The following SHANK2 variants were observed in gnomAD, a reference collection of about 807,000 sequenced individuals.
The protein encoded by SHANK2 is SH3 and multiple ankyrin repeat domains 2, also known as SH3 and multiple ankyrin repeat domains protein 2.
In SHANK2, 43 loss-of-function variants were observed where a neutral mutation model predicts 133.7. The ratio of observed to expected loss-of-function variants is 0.32; its 90% CI spans 0.25 to 0.41. The LOEUF is 0.41. Among genes scored for constraint, SHANK2 ranks in the 10% least tolerant of loss-of-function variants. The pLI, the probability that SHANK2 is intolerant of heterozygous loss-of-function variation, is 1.00. For missense variants in SHANK2, 1,994 were observed against 2,235.8 expected (o/e 0.89, Z 2.18); for synonymous variants, 1,017 against 952.8 (o/e 1.07, Z -1.24).
chr11:70,695,539 C>T (rs975882317), intron 15 of SHANK2, among the ~76,000 whole-genome samples: 8 of 152,188 alleles, frequency 5.3e-5, no homozygotes, highest in South Asian at 2.1e-4. Flanking sequence ...CCCTCCTCCT[C>T]GTCAGTTTCC....
At chr11:70,851,251 G>C (rs1341685196) in intron 11 of SHANK2, among the ~76,000 whole-genome samples, 1 of 152,226 alleles carries the variant, frequency 6.6e-6, no homozygotes, top group African/African-American at 2.4e-5. Context: ...GGCTGTTGTA[G>C]CTGGGGCTCC....
intron 14 of SHANK2, among the ~76,000 whole-genome samples, chr11:70,770,540 G>T (rs1016480525): frequency 6.6e-6 from 1 of 152,254 alleles, no homozygotes; most frequent in Non-Finnish European, 1.5e-5. Context: ...TGTGATGGCT[G>T]GGAAGTTACT....
intron 14 of SHANK2, 118 bp from the exon 15 acceptor site, chr11:70,698,881 GT>G: frequency 1.4e-6 from 1 of 706,590 alleles, no homozygotes; most frequent in East Asian, 2.7e-5. Flanking sequence ...GAGATGCACT[GT>G]CCTGGGGAAG....
intron 9 of SHANK2, among the ~76,000 whole-genome samples, chr11:71,060,798 A>G (rs1337181911): frequency 2.6e-5 from 4 of 152,130 alleles, no homozygotes; most frequent in African/African-American, 9.7e-5. Context: ...GTGTTTCAAA[A>G]CAACGTGTGA....
chr11:70,601,047 A>ATATCTC (rs1270001222), intron 17 of SHANK2, among the ~76,000 whole-genome samples: 29 of 150,842 alleles, frequency 1.9e-4, no homozygotes, highest in African/African-American at 7.2e-4. Flanking sequence ...ATCTATATCT[A>ATATCTC]TATCTATATC....
chr11:70,655,082 C>T (rs1448342908), intron 17 of SHANK2, among the ~76,000 whole-genome samples: 3 of 152,086 alleles, frequency 2.0e-5, no homozygotes, highest in Non-Finnish European at 2.9e-5. Flanking sequence ...AAATTATTCC[C>T]TTAGCATGGA....
intron 17 of SHANK2, among the ~76,000 whole-genome samples, chr11:70,606,508 C>CAAA (rs60348645): frequency 1.8e-5 from 1 of 55,070 alleles, no homozygotes; most frequent in African/African-American, 7.5e-5. Flanking sequence ...AACCTTGACT[C>CAAA]AAAAAAAAAA....
intron 14 of SHANK2, among the ~76,000 whole-genome samples, chr11:70,790,332 G>A (rs1410293160): frequency 6.6e-6 from 1 of 152,226 alleles, no homozygotes; most frequent in African/African-American, 2.4e-5. Flanking sequence ...CACCCAGGGT[G>A]CATAAAGAGG....
At chr11:70,716,895 G>GCCCCCCCCCCCCCCCCCCCCCCACCC (rs60827522) in intron 14 of SHANK2, among the ~76,000 whole-genome samples, 1 of 138,392 alleles carries the variant, frequency 7.2e-6, no homozygotes, top group African/African-American at 2.9e-5. Context: ...GGGTCCCGGA[G>GCCCCCCCCCCCCCCCCCCCCCCACCC]CCCCCCCCCC....
intron 17 of SHANK2, among the ~76,000 whole-genome samples, chr11:70,610,847 C>G (rs1415555993): frequency 6.6e-6 from 1 of 152,216 alleles, no homozygotes; most frequent in Non-Finnish European, 1.5e-5. Context: ...TGGGGATCCA[C>G]AGGACTCATG....
At chr11:70,537,151 C>A (rs1554974301) in intron 17 of SHANK2, among the ~76,000 whole-genome samples, 1 of 152,160 alleles carries the variant, frequency 6.6e-6, no homozygotes, top group Non-Finnish European at 1.5e-5. Context: ...TGAGCGCCCC[C>A]CTCTCAGAGT....
chr11:71,096,718 T>C (rs1590907087), intron 6 of SHANK2, among the ~76,000 whole-genome samples: 1 of 152,286 alleles, frequency 6.6e-6, no homozygotes, highest in South Asian at 2.1e-4. Flanking sequence ...TCAAAACAGT[T>C]AGGATTTTCT....
chr11:70,684,836 G>A (rs1945111540), intron 15 of SHANK2, among the ~76,000 whole-genome samples: 1 of 152,062 alleles, frequency 6.6e-6, no homozygotes, highest in South Asian at 2.1e-4. Context: ...CTTCTGATAG[G>A]TCACATGCCT....
At chr11:70,790,768 G>C (rs1947770443) in intron 14 of SHANK2, among the ~76,000 whole-genome samples, 1 of 152,200 alleles carries the variant, frequency 6.6e-6, no homozygotes, top group African/African-American at 2.4e-5. Context: ...CAGTCACCAG[G>C]AGGTGGCTCC....
intron 17 of SHANK2, among the ~76,000 whole-genome samples, chr11:70,615,547 G>A (rs2060727520): frequency 6.6e-6 from 1 of 152,184 alleles, no homozygotes; most frequent in Non-Finnish European, 1.5e-5. Flanking sequence ...CGGCGCAAGG[G>A]AGCACATGCA....
intron 1 of SHANK2, among the ~76,000 whole-genome samples, chr11:71,246,085 G>A (rs1261923882): frequency 6.6e-6 from 1 of 152,108 alleles, no homozygotes; most frequent in African/African-American, 2.4e-5. Context: ...CAGGAAGCCT[G>A]CATTCTCCCC....
At chr11:71,240,114 G>C (rs1012236064) in intron 1 of SHANK2, among the ~76,000 whole-genome samples, 3 of 152,176 alleles carry the variant, frequency 2.0e-5, no homozygotes, top group African/African-American at 7.2e-5. Context: ...AACCAGGCTT[G>C]GTCTACAAAG....
At chr11:71,067,265 G>A (rs1274388905) in intron 9 of SHANK2, among the ~76,000 whole-genome samples, 12 of 152,334 alleles carry the variant, frequency 7.9e-5, no homozygotes, top group South Asian at 4.1e-4. Flanking sequence ...GAAACACCAC[G>A]TCTTCCTACC....
chr11:71,246,733 C>T (rs1555125042), intron 1 of SHANK2, among the ~76,000 whole-genome samples: 2 of 152,146 alleles, frequency 1.3e-5, no homozygotes, highest in African/African-American at 2.4e-5. Context: ...TAGCTATCCC[C>T]CGGAAGCTGG....
Sources: gnomAD v4.1 joint callset for allele counts (sites outside exome capture counted in the v4.1 genomes callset) on GRCh38, gnomAD v4.1.1 for gene constraint, MANE v1.5 for transcripts, NCBI Gene and HGNC (gene_info 2026-07-23, HGNC 2026-07-21) for gene names.